PCDHA12: variants seen among roughly 807,000 people sequenced by gnomAD.
PCDHA12 encodes protocadherin alpha-12.
In PCDHA12, 44 loss-of-function variants were observed where a neutral mutation model predicts 60.0. The observed-to-expected ratio is 0.73, with a 90% CI of 0.58 to 0.94. The LOEUF (loss-of-function observed/expected upper bound fraction) is 0.94, where lower values mean the gene tolerates loss of function less well. Ranked by LOEUF, PCDHA12 falls within the 40% of genes least tolerant of loss-of-function variation. The pLI is 0.00. For synonymous variants in PCDHA12, 569 were observed against 553.0 expected (o/e 1.03, Z -0.40); for missense variants, 1,276 against 1,239.7 (o/e 1.03, Z -0.44).
intron 1 of PCDHA12, among the ~76,000 whole-genome samples, chr5:140,923,821 G>A (rs1009668330): frequency 1.3e-5 from 2 of 152,148 alleles, no homozygotes; most frequent in African/African-American, 2.4e-5. Flanking sequence ...GAAAATAGAC[G>A]TCAGTGGCAG....
chr5:140,887,004 C>T (rs1341039143), intron 1 of PCDHA12, among the ~76,000 whole-genome samples: 1 of 152,066 alleles, frequency 6.6e-6, no homozygotes, highest in African/African-American at 2.4e-5. Flanking sequence ...GTTGGTATCA[C>T]TTTCCTACTG....
chr5:140,903,987 C>A (rs1324981597), intron 1 of PCDHA12, among the ~76,000 whole-genome samples: 1 of 152,146 alleles, frequency 6.6e-6, no homozygotes, highest in Non-Finnish European at 1.5e-5. Flanking sequence ...CACAATGTAA[C>A]AGCTACAAAT....
At chr5:140,984,052 A>G (rs2097083396) in intron 3 of PCDHA12, among the ~76,000 whole-genome samples, 2 of 152,204 alleles carry the variant, frequency 1.3e-5, no homozygotes, top group African/African-American at 4.8e-5. Context: ...TCATTGACAA[A>G]TCTGTACCCT....
intron 1 of PCDHA12, chr5:140,884,195 C>T: frequency 6.2e-7 from 1 of 1,613,394 alleles, no homozygotes; most frequent in Non-Finnish European, 8.5e-7. Flanking sequence ...GGTGGACGCG[C>T]CGCACCACCG....
intron 1 of PCDHA12, among the ~76,000 whole-genome samples, chr5:140,888,737 A>G (rs1468383652): frequency 6.6e-6 from 1 of 152,036 alleles, no homozygotes; most frequent in Non-Finnish European, 1.5e-5. Flanking sequence ...TGTGAGCTCT[A>G]GGAATTATTC....
intron 1 of PCDHA12, among the ~76,000 whole-genome samples, chr5:140,948,620 T>TTAA (rs1422284059): frequency 6.6e-6 from 1 of 151,716 alleles, no homozygotes; most frequent in African/African-American, 2.4e-5. Context: ...CACAAAGTTG[T>TTAA]TAATAATATT....
At chr5:140,946,801 G>C (rs2094030166) in intron 1 of PCDHA12, among the ~76,000 whole-genome samples, 1 of 151,430 alleles carries the variant, frequency 6.6e-6, no homozygotes, top group African/African-American at 2.4e-5. Flanking sequence ...TAGAAGCAGA[G>C]AGTATAACAG....
chr5:140,945,947 ACCCTGAAAG>A (rs1554217229), intron 1 of PCDHA12, among the ~76,000 whole-genome samples: 1 of 152,132 alleles, frequency 6.6e-6, no homozygotes, highest in Admixed American at 6.5e-5. Flanking sequence ...TTTTTATATG[ACCCTGAAAG>A]CACAGGCAAT....
intron 1 of PCDHA12, among the ~76,000 whole-genome samples, chr5:140,915,921 T>C (rs2077370703): frequency 6.6e-6 from 1 of 152,286 alleles, no homozygotes; most frequent in African/African-American, 2.4e-5. Context: ...GAGATGCTAC[T>C]TGGGAGTCAG....
intron 1 of PCDHA12, chr5:140,882,094 C>A: frequency 2.6e-6 from 3 of 1,172,678 alleles, no homozygotes; most frequent in Non-Finnish European, 3.5e-6. Flanking sequence ...TCACTGAGAA[C>A]GTTTCCGCGA....
intron 1 of PCDHA12, among the ~76,000 whole-genome samples, chr5:140,890,477 C>G (rs1255992157): frequency 6.6e-6 from 1 of 151,926 alleles, no homozygotes; most frequent in African/African-American, 2.4e-5. Context: ...ATTTTTTGTG[C>G]GTTATTTTTG....
intron 1 of PCDHA12, chr5:140,883,523 T>A: frequency 6.2e-7 from 1 of 1,614,226 alleles, no homozygotes; most frequent in Non-Finnish European, 8.5e-7. Flanking sequence ...CGAGAGCGTA[T>A]CAGCCTATGA....
At chr5:140,930,168 C>T (rs2086634095) in intron 1 of PCDHA12, 1 of 152,048 alleles carries the variant, frequency 6.6e-6, no homozygotes, top group Non-Finnish European at 1.5e-5. Context: ...TAATATTTTA[C>T]AAAGAGGAAA....
Position 140,924,836 on chromosome 5 carries a change from A to G in PCDHA12, c.2367+46997A>G, listed in dbSNP as rs182903893. ...CTTGAACCTGGGAGGGGGAGGTTGC[A>G]GGGAGCTCAGATCGTGCCACTGCAC... On this transcript the variant is annotated intron_variant, in intron 1 of 3. Coordinates refer to ENST00000398631, the MANE Select transcript of PCDHA12 (RefSeq NM_018903.4). Among the ~76,000 whole-genome samples, 1,210 of 151,808 alleles carry G rather than the reference A, an allele frequency of 8.0e-3. 6 individuals carry two copies. Among genetic ancestry groups the G allele is most frequent in the African/African-American group, 0.019 (780 of 41,292 alleles).
intron 3 of PCDHA12, among the ~76,000 whole-genome samples, chr5:140,985,991 A>G (rs575854221): frequency 2.7e-4 from 41 of 152,022 alleles, no homozygotes; most frequent in African/African-American, 9.2e-4. Context: ...CGCCCACCTC[A>G]GCCTCCCAAA....
In PCDHA12 at chr5:141,010,994, G is replaced by A. The variant is rs1338532762; in HGVS notation, c.*1057G>A. ...TTTAAGAGAATTGCCTGAAACATCTGTATTATATCGGCCACCTGCCAATCA... is the reference window on the plus strand; with the variant it reads ...TTTAAGAGAATTGCCTGAAACATCTATATTATATCGGCCACCTGCCAATCA... On this transcript the variant is annotated 3_prime_UTR_variant, in exon 4 of 4. Transcript: ENST00000398631. The A allele has an allele frequency of 6.5e-6, 1 of 153,710 alleles. No homozygotes were observed. The highest frequency in any genetic ancestry group is 1.5e-5 in the Non-Finnish European group (1 of 68,046). The allele number at this position is 153,710 out of a possible 1,614,324, so 9.5% of individuals were successfully genotyped here.
chr5:140,885,051 A>G (rs2060446316), intron 1 of PCDHA12, among the ~76,000 whole-genome samples: 1 of 152,230 alleles, frequency 6.6e-6, no homozygotes, highest in Non-Finnish European at 1.5e-5. Context: ...TAATGTATAC[A>G]TATACCCACA....
At chr5:140,990,471 A>G (rs892013539) in intron 3 of PCDHA12, among the ~76,000 whole-genome samples, 4 of 152,204 alleles carry the variant, frequency 2.6e-5, no homozygotes, top group Admixed American at 1.3e-4. Context: ...GGTATCATGT[A>G]TCAAGCTGAA....
chr5:140,876,109 A>T lies in PCDHA12; in HGVS notation c.637A>T (p.Met213Leu). ...EQTPKLNLLL[M>L]VIDGGKPELT... ...AACGCCAAAACTCAATTTATTGCTGATGGTAATCGATGGCGGTAAACCAGA... is the reference window on the plus strand; with the variant it reads ...AACGCCAAAACTCAATTTATTGCTGTTGGTAATCGATGGCGGTAAACCAGA... The change falls in exon 1 of 4, where the codon ATG becomes TTG. Residue 213 changes from methionine to leucine, a missense_variant. Coordinates refer to ENST00000398631, the MANE Select transcript of PCDHA12 (RefSeq NM_018903.4). The T allele has an allele frequency of 6.2e-7, 1 of 1,613,946 alleles. No individual in the cohort carries two copies. Among genetic ancestry groups the T allele is most frequent in the Non-Finnish European group, 8.5e-7 (1 of 1,179,894 alleles).
Sources: allele counts gnomAD v4.1 joint callset (sites outside exome capture counted in the v4.1 genomes callset), GRCh38; gene constraint gnomAD v4.1.1; transcripts MANE v1.5; gene names NCBI Gene and HGNC (gene_info 2026-07-23, HGNC 2026-07-21).